PRKAR2A: variants seen among roughly 807,000 people sequenced by gnomAD.
PRKAR2A encodes cAMP-dependent protein kinase type II-alpha regulatory subunit.
PRKAR2A carries 29 observed loss-of-function variants against 51.9 expected under a neutral mutation model. That is an observed-to-expected ratio of 0.56 (90% confidence interval 0.42 to 0.76). PRKAR2A has a LOEUF of 0.76. Among genes scored for constraint, PRKAR2A ranks in the 30% least tolerant of loss-of-function variants. PRKAR2A has a pLI of 0.00. For missense variants in PRKAR2A, 445 were observed against 512.1 expected, an observed-to-expected ratio of 0.87 and a Z score of 1.26; for synonymous variants, 178 against 186.2, an observed-to-expected ratio of 0.96 and a Z score of 0.36.
chr3:48,761,117 C>T (rs917136131), intron 8 of PRKAR2A, among the ~76,000 whole-genome samples: 2 of 151,878 alleles, frequency 1.3e-5, no homozygotes, highest in Admixed American at 6.6e-5. Flanking sequence ...CCTGTCTCTA[C>T]TAAAAACACA....
chr3:48,784,062 T>C (rs2082249646), intron 4 of PRKAR2A, among the ~76,000 whole-genome samples: 1 of 152,162 alleles, frequency 6.6e-6, no homozygotes. Context: ...TACTTACAAA[T>C]ATTGCCTGCC....
intron 6 of PRKAR2A, among the ~76,000 whole-genome samples, chr3:48,768,466 AGTGG>A (rs2081975583): frequency 6.6e-6 from 1 of 151,690 alleles, no homozygotes; most frequent in Non-Finnish European, 1.5e-5. Flanking sequence ...GGGAGGCCAA[AGTGG>A]GTGGATCACT....
chr3:48,745,026 C>CA (rs2081544854), downstream of PRKAR2A, among the ~76,000 whole-genome samples: 1 of 152,020 alleles, frequency 6.6e-6, no homozygotes, highest in African/African-American at 2.4e-5. Context: ...AGGCACCCGC[C>CA]ACCACACCTG....
intron 1 of PRKAR2A, among the ~76,000 whole-genome samples, chr3:48,818,866 T>A (rs1353227002): frequency 6.6e-6 from 1 of 152,242 alleles, no homozygotes; most frequent in East Asian, 1.9e-4. Flanking sequence ...ATAGAAGTAC[T>A]GAGACAGTAA....
chr3:48,800,339 CCT>C (rs1342959880), intron 2 of PRKAR2A, among the ~76,000 whole-genome samples: 9 of 150,914 alleles, frequency 6.0e-5, no homozygotes, highest in African/African-American at 1.9e-4. Context: ...ACGGCGAAAC[CCT>C]GTCTCTACTA....
intron 1 of PRKAR2A, among the ~76,000 whole-genome samples, chr3:48,839,000 ATGGT>A (rs1270708153): frequency 1.4e-5 from 2 of 146,326 alleles, no homozygotes; most frequent in African/African-American, 5.1e-5. Flanking sequence ...AAAAATTGTT[ATGGT>A]TGGTCAGGTG....
intron 3 of PRKAR2A, among the ~76,000 whole-genome samples, chr3:48,792,255 C>T (rs1402619360): frequency 2.6e-5 from 4 of 151,386 alleles, no homozygotes; most frequent in African/African-American, 7.3e-5. Flanking sequence ...GATTCTCCTG[C>T]CTCAGCCTCC....
chr3:48,834,709 G>A (rs1342412119), intron 1 of PRKAR2A, among the ~76,000 whole-genome samples: 2 of 143,406 alleles, frequency 1.4e-5, no homozygotes, highest in African/African-American at 2.6e-5. Context: ...GGGCAACAGA[G>A]TGAGAACCTG....
At chr3:48,806,187 T>C (rs1355256939) in intron 2 of PRKAR2A, among the ~76,000 whole-genome samples, 1 of 152,190 alleles carries the variant, frequency 6.6e-6, no homozygotes, top group Non-Finnish European at 1.5e-5. Flanking sequence ...AAACGCTTTC[T>C]GAAAACATAA....
intron 2 of PRKAR2A, among the ~76,000 whole-genome samples, chr3:48,802,586 C>G (rs1407296347): frequency 6.6e-6 from 1 of 152,146 alleles, no homozygotes; most frequent in Non-Finnish European, 1.5e-5. Flanking sequence ...CACCTGTAAT[C>G]CCAGCTACTC....
chr3:48,809,595 CAAAAAAAAAAAAA>C (rs57623385), intron 1 of PRKAR2A, among the ~76,000 whole-genome samples: 1 of 49,338 alleles, frequency 2.0e-5, no homozygotes, highest in South Asian at 1.2e-3. Context: ...GACTCCATCT[CAAAAAAAAAAAAA>C]AAAAAAAAAA....
intron 1 of PRKAR2A, among the ~76,000 whole-genome samples, chr3:48,818,142 G>T (rs924182699): frequency 1.4e-4 from 22 of 152,180 alleles, no homozygotes; most frequent in African/African-American, 5.3e-4. Context: ...ATGCAAAGTT[G>T]TAAAGAGGCA....
chr3:48,811,313 CA>C (rs2082767016), intron 1 of PRKAR2A, among the ~76,000 whole-genome samples: 1 of 152,070 alleles, frequency 6.6e-6, no homozygotes, highest in African/African-American at 2.4e-5. Flanking sequence ...CAAAAACAAA[CA>C]AACAAAATTA....
In PRKAR2A at chr3:48,772,904, G is replaced by A. The variant is rs781612747; in HGVS notation, c.696+51C>T. On this transcript the variant is annotated intron_variant, in intron 6 of 10. Transcript: ENST00000265563. ...TCAACAGCCCAAGGACAGAGACACA[G>A]AAAGGGAATTAATACTGTGCCTTGC... 3.9e-6 allele frequency: 6 copies of A among 1,545,758 alleles called. No individual in the cohort carries two copies. The East Asian group carries it at 1.2e-4, about 30-fold the overall frequency.
chr3:48,758,513 G>C (rs1158335658), intron 8 of PRKAR2A, among the ~76,000 whole-genome samples: 2 of 150,962 alleles, frequency 1.3e-5, no homozygotes, highest in Non-Finnish European at 2.9e-5. Flanking sequence ...AACCCAGGAG[G>C]TGGAGGTCGC....
At chr3:48,757,283 A>G (rs1190743657) in intron 8 of PRKAR2A, among the ~76,000 whole-genome samples, 2 of 152,216 alleles carry the variant, frequency 1.3e-5, no homozygotes, top group Admixed American at 6.5e-5. Flanking sequence ...AACATCCACC[A>G]TTTAAAGTGG....
intron 3 of PRKAR2A, 137 bp from the exon 4 acceptor site, chr3:48,790,764 T>A (rs1014061970): frequency 1.1e-5 from 6 of 536,604 alleles, no homozygotes; most frequent in Non-Finnish European, 1.8e-5. Flanking sequence ...TACATAAATA[T>A]CAAGCTGCAT....
intron 1 of PRKAR2A, among the ~76,000 whole-genome samples, chr3:48,841,324 T>C (rs2083377737): frequency 6.7e-6 from 1 of 150,360 alleles, no homozygotes; most frequent in South Asian, 2.2e-4. Flanking sequence ...GGCAGGCAGA[T>C]CACAAGGTCA....
At chr3:48,800,443 G>A (rs921026148) in intron 2 of PRKAR2A, among the ~76,000 whole-genome samples, 1 of 150,884 alleles carries the variant, frequency 6.6e-6, no homozygotes, top group African/African-American at 2.4e-5. Context: ...AACCCAGGAG[G>A]TGGAGGTTGC....
Sources: allele counts gnomAD v4.1 joint callset (sites outside exome capture counted in the v4.1 genomes callset), GRCh38; gene constraint gnomAD v4.1.1; transcripts MANE v1.5; gene names NCBI Gene and HGNC (gene_info 2026-07-23, HGNC 2026-07-21).